ATXN8OS: variants seen among roughly 807,000 people sequenced by gnomAD.
ATXN8OS encodes ATXN8 opposite strand lncRNA.
At chr13:70,125,413 C>T (rs758456888) in intron 2 of ATXN8OS, among the ~76,000 whole-genome samples, 37 of 152,078 alleles carry the variant, frequency 2.4e-4, no homozygotes, top group Admixed American at 5.9e-4. Flanking sequence ...CTTTTCCTTA[C>T]GAGGTAAACG....
rs1888500422 is a variant in ATXN8OS at position 70,129,708 on chromosome 13, A to G, written n.399-76A>G. On this transcript the variant is annotated intron_variant and non_coding_transcript_variant, in intron 2 of 4. Transcript: ENST00000678624. ...AAGTAGAATTACTTCAACCATCTGT[A>G]CAGACTAGCAAAATATTATTCTAAG... 3 of 397,826 alleles carry G rather than the reference A, an allele frequency of 7.5e-6. No homozygotes were observed. The Admixed American group carries it at 1.3e-4, about 18-fold the overall frequency. 24.6% of individuals were successfully genotyped at this position (397,826 alleles called of 1,614,324 possible). A position where few individuals can be genotyped will look rare whatever the true frequency, so the allele number is the denominator to read the frequency against.
At chr13:70,124,101 C>T (rs1396246316) in intron 2 of ATXN8OS, among the ~76,000 whole-genome samples, 1 of 151,992 alleles carries the variant, frequency 6.6e-6, no homozygotes, top group Non-Finnish European at 1.5e-5. Context: ...ATTTCCTTAG[C>T]ATTTAAAGAA....
chr13:70,110,601 C>CAG (rs1451537621), intron 1 of ATXN8OS, among the ~76,000 whole-genome samples: 1 of 151,592 alleles, frequency 6.6e-6, no homozygotes, highest in African/African-American at 2.4e-5. Context: ...GAGGGAAAGA[C>CAG]AGAGACAGGA....
At chr13:70,166,879 A>G (rs1259856983) in intron 4 of ATXN8OS, among the ~76,000 whole-genome samples, 1 of 151,760 alleles carries the variant, frequency 6.6e-6, no homozygotes, top group Non-Finnish European at 1.5e-5. Flanking sequence ...ACTTCTCAAA[A>G]GAAGACATTT....
intron 2 of ATXN8OS, among the ~76,000 whole-genome samples, chr13:70,123,274 T>A (rs1888387095): frequency 6.6e-6 from 1 of 152,130 alleles, no homozygotes; most frequent in Non-Finnish European, 1.5e-5. Flanking sequence ...TAATTGTGCA[T>A]CTTAACAATA....
chr13:70,111,302 G>T (rs1250500210), intron 1 of ATXN8OS, among the ~76,000 whole-genome samples: 1 of 152,168 alleles, frequency 6.6e-6, no homozygotes, highest in African/African-American at 2.4e-5. Context: ...AAACCTGAAG[G>T]TGGGTAACTT....
intron 1 of ATXN8OS, among the ~76,000 whole-genome samples, chr13:70,111,147 A>C (rs1163649112): frequency 4.6e-5 from 7 of 152,196 alleles, no homozygotes; most frequent in Non-Finnish European, 1.0e-4. Flanking sequence ...TGTAATACAC[A>C]AATACAAAAC....
chr13:70,130,448 A>G (rs1412546215), intron 3 of ATXN8OS, among the ~76,000 whole-genome samples: 1 of 152,216 alleles, frequency 6.6e-6, no homozygotes, highest in African/African-American at 2.4e-5. Context: ...GAAGAATATA[A>G]AATACATTTG....
At chr13:70,115,588 C>T (rs1330994989) in intron 2 of ATXN8OS, among the ~76,000 whole-genome samples, 1 of 152,054 alleles carries the variant, frequency 6.6e-6, no homozygotes, top group African/African-American at 2.4e-5. Flanking sequence ...TCTTACTAGA[C>T]TAGGATGGTT....
intron 2 of ATXN8OS, among the ~76,000 whole-genome samples, chr13:70,122,786 T>C (rs932032769): frequency 6.6e-6 from 1 of 151,962 alleles, no homozygotes; most frequent in African/African-American, 2.4e-5. Flanking sequence ...GATACAAAGA[T>C]AGGCATTTGA....
chr13:70,140,192 T>A (rs2137491439), intron 3 of ATXN8OS, among the ~76,000 whole-genome samples: 1 of 152,238 alleles, frequency 6.6e-6, no homozygotes, highest in East Asian at 1.9e-4. Context: ...TGCTAAGTGC[T>A]TTGAATTTAT....
intron 3 of ATXN8OS, among the ~76,000 whole-genome samples, chr13:70,147,179 T>A (rs1050129944): frequency 6.6e-6 from 1 of 152,134 alleles, no homozygotes; most frequent in Non-Finnish European, 1.5e-5. Context: ...TACAACTAAC[T>A]TCGAAAAGGG....
At chr13:70,138,142 A>C (rs991474280) in intron 3 of ATXN8OS, among the ~76,000 whole-genome samples, 2 of 152,208 alleles carry the variant, frequency 1.3e-5, no homozygotes, top group African/African-American at 4.8e-5. Context: ...GGGTGCCGAC[A>C]CAGAGCCAGA....
intron 4 of ATXN8OS, among the ~76,000 whole-genome samples, chr13:70,147,740 G>A (rs1888804565): frequency 6.6e-6 from 1 of 152,118 alleles, no homozygotes; most frequent in African/African-American, 2.4e-5. Flanking sequence ...ATTTTGCCAA[G>A]GTTAAGGACC....
chr13:70,145,704 A>G (rs1888774741), intron 3 of ATXN8OS, among the ~76,000 whole-genome samples: 1 of 152,122 alleles, frequency 6.6e-6, no homozygotes, highest in African/African-American at 2.4e-5. Context: ...TTGATTTTGT[A>G]TCCTGAGACT....
At chr13:70,166,369 C>A (rs1350151995) in intron 4 of ATXN8OS, among the ~76,000 whole-genome samples, 1 of 152,016 alleles carries the variant, frequency 6.6e-6, no homozygotes, top group African/African-American at 2.4e-5. Context: ...CGCATATCTA[C>A]AACCATCTGA....
chr13:70,159,004 T>C (rs1359865952), intron 4 of ATXN8OS, among the ~76,000 whole-genome samples: 1 of 152,196 alleles, frequency 6.6e-6, no homozygotes, highest in Non-Finnish European at 1.5e-5. Flanking sequence ...TGAATTTACA[T>C]GTATTTTATC....
chr13:70,166,918 C>T (rs1405740535), intron 4 of ATXN8OS, among the ~76,000 whole-genome samples: 1 of 151,504 alleles, frequency 6.6e-6, no homozygotes, highest in Non-Finnish European at 1.5e-5. Flanking sequence ...TGAAAAAATG[C>T]TCATCATCAC....
intron 4 of ATXN8OS, among the ~76,000 whole-genome samples, chr13:70,164,704 G>A (rs923079234): frequency 6.6e-6 from 1 of 151,900 alleles, no homozygotes; most frequent in Admixed American, 6.6e-5. Flanking sequence ...GCAAGATTGG[G>A]AATGAAAAAT....
Sources: allele counts gnomAD v4.1 joint callset (sites outside exome capture counted in the v4.1 genomes callset), GRCh38; gene constraint gnomAD v4.1.1; transcripts MANE v1.5; gene names NCBI Gene and HGNC (gene_info 2026-07-23, HGNC 2026-07-21).